Variants in FAM171B observed in about 807,000 individuals in gnomAD.
FAM171B encodes the protein protein FAM171B.
Under a neutral mutation model 75.6 loss-of-function variants are expected in FAM171B, and 19 were observed. That is an observed-to-expected ratio of 0.25 (90% CI 0.18 to 0.37). The LOEUF is 0.37. FAM171B is among the 10% of genes least tolerant of loss of function. The pLI is 1.00. For synonymous variants in FAM171B, 367 were observed against 361.7 expected (o/e 1.01, Z -0.17); for missense variants, 848 against 982.4 (o/e 0.86, Z 1.83).
In FAM171B at chr2:186,735,974, T is replaced by A. The variant is rs188239711; in HGVS notation, c.239-4254T>A. 2.7e-4 allele frequency among the ~76,000 whole-genome samples: 41 copies of A among 152,310 alleles called. No individual in the cohort carries two copies. In the East Asian group the frequency reaches 7.9e-3, roughly 29 times the overall value. On this transcript the variant is annotated intron_variant, in intron 1 of 7. Transcript: ENST00000304698. The stretch of plus-strand genomic sequence containing the variant: ...AAAGTAATTTGACCTCTCACAAGGT[T>A]TTCTATTATCATTAAAGATGCAAAG...
chr2:186,707,588 G>A (rs1470546584), intron 1 of FAM171B, among the ~76,000 whole-genome samples: 4 of 152,056 alleles, frequency 2.6e-5, no homozygotes, highest in African/African-American at 4.8e-5. Flanking sequence ...GTCAAAAATC[G>A]TAATGTGACC....
chr2:186,734,843 C>G (rs1269413302), intron 1 of FAM171B, among the ~76,000 whole-genome samples: 1 of 152,220 alleles, frequency 6.6e-6, no homozygotes, highest in Non-Finnish European at 1.5e-5. Flanking sequence ...GCTGGCCTAT[C>G]ATTGCTGCCC....
At chr2:186,701,577 A>C (rs1457609588) in intron 1 of FAM171B, among the ~76,000 whole-genome samples, 1 of 152,222 alleles carries the variant, frequency 6.6e-6, no homozygotes, top group African/African-American at 2.4e-5. Flanking sequence ...CTGTTCAAGG[A>C]ATTTGAAAAA....
At chr2:186,743,082 G>A (rs1246093861) in intron 2 of FAM171B, among the ~76,000 whole-genome samples, 4 of 152,102 alleles carry the variant, frequency 2.6e-5, no homozygotes, top group Admixed American at 2.6e-4. Flanking sequence ...TTTATATCTA[G>A]AGAAGCTTGA....
Position 186,761,610 on chromosome 2 carries a change from A to C in FAM171B, c.1268A>C (p.Asp423Ala). The C allele has an allele frequency of 6.2e-7, 1 of 1,613,484 alleles. No individual in the cohort carries two copies. The highest frequency in any genetic ancestry group is 2.2e-5 in the East Asian group (1 of 44,852). ...STVKVALKAE[D>A]KSQLFNAKNS... Reference sequence around the variant, plus strand: ...GTTAAAGTTGCATTAAAAGCTGAGGACAAGTCGCAGTTATTCAATGCCAAA... The same window carrying C: ...GTTAAAGTTGCATTAAAAGCTGAGGCCAAGTCGCAGTTATTCAATGCCAAA... Residue 423 changes from aspartate to alanine, a missense_variant, in exon 8 of 8, where the codon GAC becomes GCC. Asp to Ala is a moderately radical substitution (Grantham distance 126). Transcript: ENST00000304698.
At chr2:186,715,916 A>G (rs980279503) in intron 1 of FAM171B, among the ~76,000 whole-genome samples, 2 of 152,172 alleles carry the variant, frequency 1.3e-5, no homozygotes, top group Non-Finnish European at 2.9e-5. Flanking sequence ...AAACATAGAA[A>G]CAAAGTCGAT....
chr2:186,701,887 G>C (rs926707228), intron 1 of FAM171B, among the ~76,000 whole-genome samples: 1 of 152,148 alleles, frequency 6.6e-6, no homozygotes, highest in East Asian at 1.9e-4. Context: ...TCAATGTTCT[G>C]TCTGACTAGG....
chr2:186,741,798 G>A (rs1477404934), intron 2 of FAM171B, among the ~76,000 whole-genome samples: 2 of 152,072 alleles, frequency 1.3e-5, no homozygotes. Context: ...CTTTGACCCA[G>A]TATTCACTTT....
rs1269145981 is a variant in FAM171B, at chr2:186,694,070, C to G, written c.-104C>G. The G allele has an allele frequency of 2.2e-6, 3 of 1,359,318 alleles. No individual in the cohort carries two copies. Among genetic ancestry groups the G allele is most frequent in the Admixed American group, 3.6e-5 (1 of 27,416 alleles). 84.2% of individuals were successfully genotyped at this position (1,359,318 alleles called of 1,614,324 possible). A position where few individuals can be genotyped will look rare whatever the true frequency, so the allele number is the denominator to read the frequency against. On this transcript the variant is annotated 5_prime_UTR_variant, in exon 1 of 8. Coordinates refer to ENST00000304698, the MANE Select transcript of FAM171B (RefSeq NM_177454.4). ...GTGAGGGAGTGCTTGGCAGATTGCG[C>G]GAGGGGGAGCGAGCGAGCGGGCGCT...
At chr2:186,742,989 C>T (rs1042361223) in intron 2 of FAM171B, among the ~76,000 whole-genome samples, 1 of 152,132 alleles carries the variant, frequency 6.6e-6, no homozygotes, top group African/African-American at 2.4e-5. Context: ...TCTGCCAACT[C>T]AGGATCCTTT....
At chr2:186,729,731 C>T (rs564267981) in intron 1 of FAM171B, among the ~76,000 whole-genome samples, 42 of 151,948 alleles carry the variant, frequency 2.8e-4, no homozygotes, top group African/African-American at 9.7e-4. Flanking sequence ...GAGAGACAAA[C>T]CAAGTTTGAG....
rs1355796911 is a variant in FAM171B, at chr2:186,763,507, G to C, written c.*684G>C. On this transcript the variant is annotated 3_prime_UTR_variant, in exon 8 of 8. Transcript: ENST00000304698. ...GTAAGATGTTAATTTAGAAATTTGA[G>C]AAATTAATGCTCTAATACTGAGTTT... is the stretch of plus-strand genomic sequence containing the variant. 1 of 152,016 alleles carries C rather than the reference G, an allele frequency of 6.6e-6. No individual in the cohort carries two copies. Among genetic ancestry groups the C allele is most frequent in the Non-Finnish European group, 1.5e-5 (1 of 67,958 alleles). 9.4% of individuals were successfully genotyped at this position (152,016 alleles called of 1,614,324 possible). A position where few individuals can be genotyped will look rare whatever the true frequency, so the allele number is the denominator to read the frequency against.
chr2:186,761,847 C>T lies in FAM171B; in HGVS notation c.1505C>T (p.Ser502Phe), dbSNP rs1375033192. ...CCTAAACATATTAACAACAATCTAT[C>T]TTCATCTCTAGGTGATGCTCAAGAT... The part of the protein sequence containing the change: ...KQPKHINNNL[S>F]SSLGDAQDEK... The change falls in exon 8 of 8, where the codon TCT becomes TTT. Residue 502 changes from serine (S) to phenylalanine (F), a missense_variant. Around this residue, in one of 3 missense-constraint regions of FAM171B, gnomAD observed 665 missense variants for 729.0 expected, o/e 0.91. Coordinates refer to ENST00000304698, the MANE Select transcript of FAM171B (RefSeq NM_177454.4). 1 of 1,613,120 alleles carries T rather than the reference C, an allele frequency of 6.2e-7. No individual in the cohort carries two copies. Among genetic ancestry groups the T allele is most frequent in the African/African-American group, 1.3e-5 (1 of 74,868 alleles).
At chr2:186,720,126 C>A (rs1362660961) in intron 1 of FAM171B, among the ~76,000 whole-genome samples, 2 of 152,234 alleles carry the variant, frequency 1.3e-5, no homozygotes, top group Non-Finnish European at 2.9e-5. Context: ...TAACCTCCAC[C>A]TCCTGGGTTC....
intron 4 of FAM171B, among the ~76,000 whole-genome samples, chr2:186,749,870 G>A (rs1318881454): frequency 6.6e-6 from 1 of 152,006 alleles, no homozygotes; most frequent in Non-Finnish European, 1.5e-5. Flanking sequence ...TTTCTTGACC[G>A]CCTAATTATG....
intron 1 of FAM171B, among the ~76,000 whole-genome samples, chr2:186,726,606 G>A (rs902804443): frequency 3.9e-5 from 6 of 151,934 alleles, no homozygotes; most frequent in South Asian, 2.1e-4. Context: ...AGAAAGACTC[G>A]TAAAACTACT....
chr2:186,761,131 A>G lies in FAM171B; in HGVS notation c.1031A>G (p.Asp344Gly). 1 of 1,610,196 alleles carries G rather than the reference A, an allele frequency of 6.2e-7. No homozygotes were observed. Among genetic ancestry groups the G allele is most frequent in the Non-Finnish European group, 8.5e-7 (1 of 1,178,296 alleles). ...PGTRGSGINEDSKDITAYHTV... is the reference protein window; with the variant it reads ...PGTRGSGINEGSKDITAYHTV... ...CATGTAGGTTCAGGTATAAATGAAG[A>G]TTCCAAGGACATAACTGCCTACCAC... is the stretch of plus-strand genomic sequence containing the variant. The change falls in exon 7 of 8, where the codon GAT becomes GGT. Residue 344 changes from aspartate to glycine, a missense_variant. Physicochemically the swap from Asp to Gly is moderately conservative, Grantham distance 94 (BLOSUM62 -1). Coordinates refer to ENST00000304698, the MANE Select transcript of FAM171B (RefSeq NM_177454.4).
At chr2:186,725,735 T>C (rs575931819) in intron 1 of FAM171B, among the ~76,000 whole-genome samples, 1 of 152,364 alleles carries the variant, frequency 6.6e-6, no homozygotes, top group East Asian at 1.9e-4. Flanking sequence ...AAGGCTCTTC[T>C]GTCTCTCTCT....
At position 186,762,911 on chromosome 2, in the gene FAM171B, C is replaced by T; in HGVS notation, c.*88C>T. On this transcript the variant is annotated 3_prime_UTR_variant, in exon 8 of 8. Transcript: ENST00000304698. The surrounding 1 kb of genome is among the most constrained non-coding windows in gnomAD (Gnocchi z 4.0). ...GCAGTACGAACTTAAGAAAATGAGA[C>T]TGAGCAATCTCATGGTTCTTGGACA... is the stretch of plus-strand genomic sequence containing the variant. 6.9e-7 allele frequency: 1 copy of T among 1,448,156 alleles called. No homozygotes were observed. Among genetic ancestry groups the T allele is most frequent in the Non-Finnish European group, 9.4e-7 (1 of 1,069,436 alleles). 89.7% of individuals were successfully genotyped at this position (1,448,156 alleles called of 1,614,324 possible). A position where few individuals can be genotyped will look rare whatever the true frequency, so the allele number is the denominator to read the frequency against.
Sources: gnomAD v4.1 joint callset for allele counts (sites outside exome capture counted in the v4.1 genomes callset) on GRCh38, gnomAD v4.1.1 for gene constraint, gnomAD v4.1.1 regional missense constraint, Gnocchi (gnomAD v3.1) non-coding constraint, MANE v1.5 for transcripts, NCBI Gene and HGNC (gene_info 2026-07-23, HGNC 2026-07-21) for gene names.